Variants in ALK observed in about 807,000 individuals in gnomAD.
ALK encodes ALK receptor tyrosine kinase, also known as ALK tyrosine kinase receptor.
Under a neutral mutation model 163.1 loss-of-function variants are expected in ALK, and 74 were observed. The observed-to-expected ratio is 0.45, with a 90% CI of 0.38 to 0.55. The LOEUF (loss-of-function observed/expected upper bound fraction) is 0.55, where lower values mean the gene tolerates loss of function less well. Among genes scored for constraint, ALK ranks in the 20% least tolerant of loss-of-function variants. The probability of loss-of-function intolerance (pLI) is 0.00; values close to 1 mark genes in which losing one functional copy is unlikely to be tolerated. For synonymous variants in ALK, 960 were observed against 843.2 expected (o/e 1.14, Z -2.40); for missense variants, 2,063 against 2,105.3 (o/e 0.98, Z 0.39).
At chr2:29,601,399 G>A (rs1284450163) in intron 3 of ALK, among the ~76,000 whole-genome samples, 1 of 152,128 alleles carries the variant, frequency 6.6e-6, no homozygotes, top group Non-Finnish European at 1.5e-5. Context: ...AAGTATTAGG[G>A]TTATCTTGAG....
At position 29,351,560 on chromosome 2, in the gene ALK, A is replaced by G. The variant is rs569397713; in HGVS notation, c.1283-23079T>C. Among the ~76,000 whole-genome samples the G allele has an allele frequency of 2.1e-3, 325 of 152,276 alleles. 3 individuals carry two copies. Among genetic ancestry groups the G allele is most frequent in the African/African-American group, 7.4e-3 (309 of 41,534 alleles). On this transcript the variant is annotated intron_variant, in intron 5 of 28. Coordinates refer to ENST00000389048, the MANE Select transcript of ALK (RefSeq NM_004304.5). ...CAGATCGAGCCACGGGCAACCAATT[A>G]CTAGACTGGCCACACCTGTGACTTG... is the stretch of plus-strand genomic sequence containing the variant.
At chr2:29,783,532 T>G (rs1243110010) in intron 1 of ALK, among the ~76,000 whole-genome samples, 1 of 152,208 alleles carries the variant, frequency 6.6e-6, no homozygotes, top group Non-Finnish European at 1.5e-5. Context: ...CCATTCATGA[T>G]GTACTATCCA....
At chr2:29,407,038 T>A (rs1669602229) in intron 4 of ALK, among the ~76,000 whole-genome samples, 1 of 152,242 alleles carries the variant, frequency 6.6e-6, no homozygotes, top group African/African-American at 2.4e-5. Flanking sequence ...CTGTCCTGAT[T>A]AGCAGCACAT....
At chr2:29,454,179 T>C (rs540830651) in intron 4 of ALK, among the ~76,000 whole-genome samples, 125 of 152,172 alleles carry the variant, frequency 8.2e-4, no homozygotes, top group Non-Finnish European at 1.4e-3. Flanking sequence ...ACCTATAGAA[T>C]TGAATTTATT....
chr2:29,905,016 C>A (rs529686165), intron 1 of ALK, among the ~76,000 whole-genome samples: 1 of 152,220 alleles, frequency 6.6e-6, no homozygotes. Context: ...TACACATACA[C>A]ATGCACATAT....
intron 1 of ALK, among the ~76,000 whole-genome samples, chr2:29,843,649 GA>G (rs1395016635): frequency 6.6e-6 from 1 of 152,104 alleles, no homozygotes; most frequent in Admixed American, 6.6e-5. Flanking sequence ...GCTTTGCAAA[GA>G]CCAAAGTGGT....
intron 23 of ALK, among the ~76,000 whole-genome samples, chr2:29,216,971 CGTG>C (rs1182767195): frequency 1.6e-5 from 1 of 64,266 alleles, no homozygotes; most frequent in Non-Finnish European, 3.3e-5. Context: ...GTGGTGTGTG[CGTG>C]GTGTGTGTGT....
chr2:29,322,222 G>A (rs184697864), intron 6 of ALK, among the ~76,000 whole-genome samples: 197 of 152,322 alleles, frequency 1.3e-3, no homozygotes, highest in Non-Finnish European at 2.2e-3. Context: ...GGGCCCTAAC[G>A]CTTCCTGGCT....
At chr2:29,786,336 G>T (rs1469693451) in intron 1 of ALK, among the ~76,000 whole-genome samples, 1 of 152,126 alleles carries the variant, frequency 6.6e-6, no homozygotes, top group Non-Finnish European at 1.5e-5. Context: ...CTAACTATAT[G>T]AAAATGGAAA....
At chr2:29,705,878 G>A (rs1355909614) in intron 2 of ALK, among the ~76,000 whole-genome samples, 2 of 152,168 alleles carry the variant, frequency 1.3e-5, no homozygotes, top group African/African-American at 4.8e-5. Context: ...CAATGGCAGA[G>A]AGCACATAAG....
rs2148158866 is a variant in ALK, at chr2:29,532,136, A to G, written c.953-20T>C. 6.2e-7 allele frequency: 1 copy of G among 1,611,392 alleles called. No individual in the cohort carries two copies. The highest frequency in any genetic ancestry group is 1.7e-4 in the Middle Eastern group (1 of 5,976). Reference sequence around the variant, plus strand: ...AGGAGCCTGGAAAGAGACAGGGAAAACGAATCTGCAGATGTGTTCAGGTAA... The same window carrying G: ...AGGAGCCTGGAAAGAGACAGGGAAAGCGAATCTGCAGATGTGTTCAGGTAA... On this transcript the variant is annotated intron_variant, in intron 3 of 28. Transcript: ENST00000389048.
intron 5 of ALK, among the ~76,000 whole-genome samples, chr2:29,347,135 T>C (rs1166563102): frequency 6.6e-6 from 1 of 152,172 alleles, no homozygotes; most frequent in Non-Finnish European, 1.5e-5. Context: ...CACCCCCATT[T>C]ATAGATGAGA....
At chr2:29,523,128 G>T (rs894053921) in intron 4 of ALK, among the ~76,000 whole-genome samples, 1 of 152,076 alleles carries the variant, frequency 6.6e-6, no homozygotes, top group African/African-American at 2.4e-5. Flanking sequence ...CGGGCAGGAG[G>T]GGGAGGAAGA....
intron 24 of ALK, among the ~76,000 whole-genome samples, chr2:29,210,895 G>A (rs775816733): frequency 2.0e-5 from 3 of 152,142 alleles, no homozygotes; most frequent in Non-Finnish European, 2.9e-5. Context: ...AGACTCATCA[G>A]CTTCTACTCT....
At chr2:29,684,477 C>G (rs1678178795) in intron 3 of ALK, among the ~76,000 whole-genome samples, 1 of 152,188 alleles carries the variant, frequency 6.6e-6, no homozygotes, top group East Asian at 1.9e-4. Flanking sequence ...TCCACTTCCT[C>G]ACATGGATTG....
intron 1 of ALK, among the ~76,000 whole-genome samples, chr2:29,769,975 T>C (rs2148343366): frequency 6.6e-6 from 1 of 152,278 alleles, no homozygotes; most frequent in African/African-American, 2.4e-5. Context: ...GTGCTATCTC[T>C]AGGAGTGTTG....
intron 1 of ALK, among the ~76,000 whole-genome samples, chr2:29,730,460 A>G (rs1232590196): frequency 6.6e-6 from 1 of 152,206 alleles, no homozygotes; most frequent in East Asian, 1.9e-4. Flanking sequence ...GGAACAGCCA[A>G]TGAAAGTAAA....
At chr2:29,247,223 C>T (rs545475382) in intron 12 of ALK, among the ~76,000 whole-genome samples, 1 of 152,230 alleles carries the variant, frequency 6.6e-6, no homozygotes, top group Non-Finnish European at 1.5e-5. Flanking sequence ...GTTCTCCCTA[C>T]ACCCCACGGA....
chr2:29,530,133 T>G (rs1673083723), intron 4 of ALK, among the ~76,000 whole-genome samples: 2 of 144,020 alleles, frequency 1.4e-5, no homozygotes, highest in African/African-American at 5.1e-5. Context: ...CCACCCTTTC[T>G]CCCTAAGAGG....
Sources: allele counts gnomAD v4.1 joint callset (sites outside exome capture counted in the v4.1 genomes callset), GRCh38; gene constraint gnomAD v4.1.1; transcripts MANE v1.5; gene names NCBI Gene and HGNC (gene_info 2026-07-23, HGNC 2026-07-21).